Variants in GEMIN5 observed in about 807,000 individuals in gnomAD.
GEMIN5 encodes gem nuclear organelle associated protein 5, also known as gem-associated protein 5.
In GEMIN5, 124 loss-of-function variants were observed where a neutral mutation model predicts 176.9. The observed-to-expected ratio is 0.70, with a 90% confidence interval of 0.61 to 0.81. The LOEUF (loss-of-function observed/expected upper bound fraction) is 0.81, where lower values mean the gene tolerates loss of function less well. Ranked by LOEUF, GEMIN5 falls within the 40% of genes least tolerant of loss-of-function variation. The pLI, the probability that GEMIN5 is intolerant of heterozygous loss-of-function variation, is 0.00. For synonymous variants in GEMIN5, 673 were observed against 665.2 expected, an observed-to-expected ratio of 1.01 and a Z score of -0.18; for missense variants, 1,843 against 1,814.6, an observed-to-expected ratio of 1.02 and a Z score of -0.28.
Position 154,912,629 on chromosome 5 carries a change from T to C in GEMIN5, c.1995+270A>G, listed in dbSNP as rs1039426679. 4.6e-5 allele frequency among the ~76,000 whole-genome samples: 7 copies of C among 152,092 alleles called. No individual in the cohort carries two copies. In the East Asian group the frequency reaches 1.2e-3, roughly 25 times the overall value. Reference sequence around the variant, plus strand: ...ATATCATATTAGTCCACCATACTGATAGTGAGTCAGAATGAAATCTGTAAA... The same window carrying C: ...ATATCATATTAGTCCACCATACTGACAGTGAGTCAGAATGAAATCTGTAAA... On this transcript the variant is annotated intron_variant, in intron 14 of 27. Coordinates refer to ENST00000285873, the MANE Select transcript of GEMIN5 (RefSeq NM_015465.5).
At chr5:154,890,212 T>C (rs1367295442) in intron 26 of GEMIN5, among the ~76,000 whole-genome samples, 2 of 152,254 alleles carry the variant, frequency 1.3e-5, no homozygotes, top group African/African-American at 2.4e-5. Flanking sequence ...AATGATGAGA[T>C]GTTGAGCATC....
At position 154,892,405 on chromosome 5, in the gene GEMIN5, A is replaced by G; in HGVS notation, c.3742T>C (p.Ser1248Pro). The change falls in exon 25 of 28, where the codon TCA (serine) becomes CCA (proline). Residue 1248 changes from serine to proline, a missense_variant. By Grantham distance (74) the Ser-to-Pro change is moderately conservative (BLOSUM62 -1). Transcript: ENST00000285873. Reference protein sequence around the residue: ...GSFTIMQEVYSAFLPDGCDHL... With the variant: ...GSFTIMQEVYPAFLPDGCDHL... ...CACTTACCGTCAGGGAGAAAGGCTGAGTACACTTCCTGCATGATGGTGAAG... is the reference window on the plus strand; with the variant it reads ...CACTTACCGTCAGGGAGAAAGGCTGGGTACACTTCCTGCATGATGGTGAAG... 6.2e-7 allele frequency: 1 copy of G among 1,614,060 alleles called. No individual in the cohort carries two copies. Among genetic ancestry groups the G allele is most frequent in the Non-Finnish European group, 8.5e-7 (1 of 1,179,948 alleles).
rs192753545 is a variant in GEMIN5 at position 154,924,474 on chromosome 5, G to A, written c.1374C>T (p.Ser458=). The change falls in exon 9 of 28, where the codon TCC becomes TCT. Residue 458 remains serine, a synonymous_variant. Transcript: ENST00000285873. ...DGKVGLYDTY[S]NKPPQISSTY... is the part of the protein sequence containing the mutation. Reference sequence around the variant, plus strand: ...AAGAATCACCCATTTCTTACTTGTTGGAGTAGGTGTCATACAATCCCACTT... The same window carrying A: ...AAGAATCACCCATTTCTTACTTGTTAGAGTAGGTGTCATACAATCCCACTT... 6.9e-6 allele frequency: 11 copies of A among 1,600,048 alleles called. No homozygotes were observed. In the South Asian group the frequency reaches 1.2e-4, roughly 18 times the overall value.
In GEMIN5 at chr5:154,938,129, C is replaced by T; in HGVS notation, c.5G>A (p.Gly2Glu). 1 of 1,389,788 alleles carries T rather than the reference C, an allele frequency of 7.2e-7. No homozygotes were observed. Among genetic ancestry groups the T allele is most frequent in the Non-Finnish European group, 9.4e-7 (1 of 1,067,164 alleles). 86.1% of individuals were successfully genotyped at this position (1,389,788 alleles called of 1,614,324 possible). A position where few individuals can be genotyped will look rare whatever the true frequency, so the allele number is the denominator to read the frequency against. Reference protein sequence around the residue: MGQEPRTLPPSP... With the variant: MEQEPRTLPPSP... Reference sequence around the variant, plus strand: ...GGGCGGCAGCGTCCGCGGCTCCTGCCCCATAACTACAAGCCGTCAGAGACA... The same window carrying T: ...GGGCGGCAGCGTCCGCGGCTCCTGCTCCATAACTACAAGCCGTCAGAGACA... Residue 2 changes from glycine to glutamate, a missense_variant, in exon 1 of 28, where the codon GGG (glycine) becomes GAG (glutamate). Physicochemically the swap from Gly to Glu is moderately conservative, Grantham distance 98. Transcript: ENST00000285873.
chr5:154,936,216 A>G (rs914903729), intron 2 of GEMIN5, among the ~76,000 whole-genome samples, 194 bp from the exon 3 acceptor site: 1 of 152,090 alleles, frequency 6.6e-6, no homozygotes, highest in African/African-American at 2.4e-5. Flanking sequence ...GGAGATCGAG[A>G]CCATCCTGGC....
chr5:154,920,660 T>C (rs760841160), intron 10 of GEMIN5, among the ~76,000 whole-genome samples: 3 of 152,220 alleles, frequency 2.0e-5, no homozygotes, highest in Non-Finnish European at 2.9e-5. Flanking sequence ...AAACATTTGT[T>C]GCATAAATGA....
intron 20 of GEMIN5, 79 bp downstream of exon 20, chr5:154,902,460 G>C: frequency 7.6e-7 from 1 of 1,321,178 alleles, no homozygotes; most frequent in Non-Finnish European, 1.1e-6. Context: ...TTAAGACTGT[G>C]CTAAGAGCCA....
chr5:154,921,226 C>A, intron 10 of GEMIN5, 117 bp downstream of exon 10: 1 of 646,690 alleles, frequency 1.5e-6, no homozygotes, highest in South Asian at 1.8e-5. Context: ...ACATAAGTAG[C>A]CCACATAAGC....
intron 5 of GEMIN5, among the ~76,000 whole-genome samples, chr5:154,931,040 G>A (rs982661190): frequency 8.5e-5 from 13 of 152,288 alleles, no homozygotes; most frequent in Admixed American, 2.6e-4. Flanking sequence ...CTATAATTTG[G>A]ATAAAATGAG....
chr5:154,928,484 A>G (rs1391777036), intron 6 of GEMIN5, 43 bp downstream of exon 6: 3 of 1,604,198 alleles, frequency 1.9e-6, no homozygotes, highest in Non-Finnish European at 2.6e-6. Flanking sequence ...GCCAAATAGA[A>G]AAACAAAATA....
chr5:154,891,476 A>G lies in GEMIN5; in HGVS notation c.4027T>C (p.Leu1343=), dbSNP rs763003298. 6.2e-7 allele frequency: 1 copy of G among 1,614,138 alleles called. No homozygotes were observed. The highest frequency in any genetic ancestry group is 1.1e-5 in the South Asian group (1 of 91,076). ...PEPNRPSELD[L]RLTEEGERML... ...CGCTCACCTTCTTCTGTGAGTCTCA[A>G]GTCTAGTTCTGAAGGCCTGTTTGGC... Residue 1343 remains leucine, a synonymous_variant, in exon 26 of 28, where the codon TTG becomes CTG. Transcript: ENST00000285873.
At chr5:154,899,639 G>A (rs1236951281) in intron 21 of GEMIN5, among the ~76,000 whole-genome samples, 1 of 151,248 alleles carries the variant, frequency 6.6e-6, no homozygotes, top group Non-Finnish European at 1.5e-5. Flanking sequence ...AAAATGTGTT[G>A]ACATTTGCAC....
chr5:154,925,819 GAA>G, intron 8 of GEMIN5, 41 bp downstream of exon 8: 1 of 1,010,854 alleles, frequency 9.9e-7, no homozygotes, highest in Non-Finnish European at 1.5e-6. Context: ...GAATTATTTG[GAA>G]AAAAAAAAGT....
chr5:154,899,377 C>A, intron 21 of GEMIN5, 67 bp from the exon 22 acceptor site: 2 of 1,332,786 alleles, frequency 1.5e-6, no homozygotes, highest in Non-Finnish European at 2.0e-6. Flanking sequence ...CTAGGAGGGG[C>A]TGTAAGACAG....
chr5:154,891,615 G>A lies in GEMIN5; in HGVS notation c.3888C>T (p.Cys1296=), dbSNP rs779462142. 11 of 1,614,018 alleles carry A rather than the reference G, an allele frequency of 6.8e-6. No homozygotes were observed. Among genetic ancestry groups the A allele is most frequent in the Non-Finnish European group, 9.3e-6 (11 of 1,180,030 alleles). Residue 1296 remains cysteine, a synonymous_variant, in exon 26 of 28, where the codon TGC becomes TGT. Coordinates refer to ENST00000285873, the MANE Select transcript of GEMIN5 (RefSeq NM_015465.5). The part of the protein sequence containing the change: ...YEFWWSLSRP[C]PNSSVWVRAG... Reference sequence around the variant, plus strand: ...CCCTTACCCAGACACTGGAATTTGGGCAAGGTCTGGAGAGAGACCACCAGA... The same window carrying A: ...CCCTTACCCAGACACTGGAATTTGGACAAGGTCTGGAGAGAGACCACCAGA...
Position 154,896,257 on chromosome 5 carries a change from AGAG to A in GEMIN5, c.3429_3431del (p.Ser1144del), listed in dbSNP as rs768747584. 31 of 1,613,630 alleles carry A rather than the reference AGAG, an allele frequency of 1.9e-5. No individual in the cohort carries two copies. The highest frequency in any genetic ancestry group is 2.5e-5 in the Non-Finnish European group (30 of 1,179,880). ...CGGTGCCCGTGTTCCAAGTGTGGTA[AGAG>A]GAGGAGCTTTTGCCCTCTGAAAGCT... On this transcript the variant is annotated inframe_deletion, in exon 24 of 28. Transcript: ENST00000285873.
intron 3 of GEMIN5, among the ~76,000 whole-genome samples, chr5:154,935,561 A>G (rs1309288727): frequency 2.0e-5 from 3 of 152,222 alleles, no homozygotes; most frequent in African/African-American, 7.2e-5. Flanking sequence ...AGAGAAAGCG[A>G]AAAAGGTGAA....
chr5:154,919,375 A>T lies in GEMIN5; in HGVS notation c.1599+592T>A, dbSNP rs533328798. ...GGAAATAAGGAAATCTCAACATTTAAGGTATGACTTTAAAAAGACAGTTCT... is the reference window on the plus strand; with the variant it reads ...GGAAATAAGGAAATCTCAACATTTATGGTATGACTTTAAAAAGACAGTTCT... On this transcript the variant is annotated intron_variant, in intron 11 of 27. Transcript: ENST00000285873. 2.6e-5 allele frequency among the ~76,000 whole-genome samples: 4 copies of T among 152,238 alleles called. No individual in the cohort carries two copies. In the South Asian group the frequency reaches 8.3e-4, roughly 31 times the overall value.
At position 154,898,668 on chromosome 5, in the gene GEMIN5, A is replaced by C. The variant is rs367979011; in HGVS notation, c.3135-18T>G. Reference sequence around the variant, plus strand: ...CTAAATAGCTATAATATGAATAAAAATGTGAAGAAAATGTCACAAACAGAT... The same window carrying C: ...CTAAATAGCTATAATATGAATAAAACTGTGAAGAAAATGTCACAAACAGAT... On this transcript the variant is annotated intron_variant, in intron 22 of 27. Coordinates refer to ENST00000285873, the MANE Select transcript of GEMIN5 (RefSeq NM_015465.5). The C allele has an allele frequency of 9.0e-6, 14 of 1,547,292 alleles. No individual in the cohort carries two copies. In the South Asian group the frequency reaches 1.4e-4, roughly 16 times the overall value.
Sources: allele counts gnomAD v4.1 joint callset (sites outside exome capture counted in the v4.1 genomes callset), GRCh38; gene constraint gnomAD v4.1.1; transcripts MANE v1.5; gene names NCBI Gene and HGNC (gene_info 2026-07-23, HGNC 2026-07-21).